WDR4: variants seen among roughly 807,000 people sequenced by gnomAD.
The protein encoded by WDR4 is WDR4 tRNA N7-guanosine methyltransferase non-catalytic subunit, also known as tRNA (guanine-N(7)-)-methyltransferase non-catalytic subunit WDR4.
Under a neutral mutation model 48.6 loss-of-function variants are expected in WDR4, and 47 were observed. The ratio of observed to expected loss-of-function variants is 0.97; its 90% CI spans 0.77 to 1.23. The LOEUF (loss-of-function observed/expected upper bound fraction) is 1.23. Among genes scored for constraint, WDR4 ranks in the 50% most tolerant of loss-of-function variants. The pLI is 0.00. For synonymous variants in WDR4, 268 were observed against 230.0 expected (o/e 1.17, Z -1.49); for missense variants, 606 against 551.6 (o/e 1.10, Z -0.99).
At chr21:42,872,982 C>T (rs1427143784) in intron 3 of WDR4, among the ~76,000 whole-genome samples, 2 of 152,130 alleles carry the variant, frequency 1.3e-5, no homozygotes, top group African/African-American at 4.8e-5. Context: ...AGAACCTTTC[C>T]GGACTTTGCT....
intron 10 of WDR4, among the ~76,000 whole-genome samples, chr21:42,851,996 C>T (rs1292135596): frequency 6.6e-6 from 1 of 152,234 alleles, no homozygotes; most frequent in Non-Finnish European, 1.5e-5. Flanking sequence ...CAACGCCCAA[C>T]TCTGAAGGCA....
At chr21:42,870,886 G>A (rs188211544) in intron 3 of WDR4, among the ~76,000 whole-genome samples, 1 of 152,296 alleles carries the variant, frequency 6.6e-6, no homozygotes, top group Admixed American at 6.5e-5. Context: ...TGTGAATTAT[G>A]AAAGCTCTCT....
chr21:42,887,294 ATTTTTT>A, the WDR4 span, among the ~76,000 whole-genome samples: 1 of 141,274 alleles, frequency 7.1e-6, no homozygotes, highest in African/African-American at 2.6e-5. Flanking sequence ...GCCTGGCCTA[ATTTTTT>A]TTTTTTTTTT....
chr21:42,855,013 G>A (rs558288965), intron 7 of WDR4, among the ~76,000 whole-genome samples: 342 of 152,140 alleles, frequency 2.2e-3, no homozygotes, highest in African/African-American at 4.0e-3. Context: ...AGAAGAGGCC[G>A]TGCACAGTGG....
intron 2 of WDR4, among the ~76,000 whole-genome samples, chr21:42,875,993 G>C (rs1221690723): frequency 1.5e-5 from 2 of 134,520 alleles, no homozygotes; most frequent in African/African-American, 5.9e-5. Flanking sequence ...AACCTCGGCC[G>C]ACTGCAACCT....
intron 2 of WDR4, 32 bp from the exon 3 acceptor site, chr21:42,873,723 T>C: frequency 6.2e-7 from 1 of 1,603,748 alleles, no homozygotes; most frequent in Non-Finnish European, 8.5e-7. Context: ...CGGTTAAGCT[T>C]CACCTAAGGA....
chr21:42,849,915 G>C lies in WDR4; in HGVS notation c.*134C>G. The C allele has an allele frequency of 2.8e-6, 3 of 1,086,362 alleles. No homozygotes were observed. The highest frequency in any genetic ancestry group is 1.6e-5 in the South Asian group (1 of 64,168). 67.3% of individuals were successfully genotyped at this position (1,086,362 alleles called of 1,614,324 possible). A position where few individuals can be genotyped will look rare whatever the true frequency, so the allele number is the denominator to read the frequency against. On this transcript the variant is annotated 3_prime_UTR_variant, in exon 11 of 11. Coordinates refer to ENST00000398208, the MANE Select transcript of WDR4 (RefSeq NM_018669.6). ...ACAGAATGTTCTTTCTAGAGCCCAG[G>C]GGACAGCCCCATCCTCTGAGCTGGT...
chr21:42,856,360 G>A (rs571849884), intron 6 of WDR4, among the ~76,000 whole-genome samples: 69 of 152,270 alleles, frequency 4.5e-4, no homozygotes, highest in African/African-American at 1.5e-3. Flanking sequence ...GGAAAAAAGC[G>A]TTTCTCTTTT....
chr21:42,853,866 C>G, intron 8 of WDR4, 114 bp from the exon 9 acceptor site: 2 of 1,165,366 alleles, frequency 1.7e-6, no homozygotes, highest in South Asian at 3.1e-5. Context: ...GGAGAGCCTA[C>G]GCTGAAAGCC....
chr21:42,881,615 T>TC (rs1351418036), upstream of WDR4, among the ~76,000 whole-genome samples: 1 of 152,134 alleles, frequency 6.6e-6, no homozygotes. Context: ...TTTGTCCACC[T>TC]CCCGTAGTTT....
At chr21:42,887,933 A>C in the WDR4 span, among the ~76,000 whole-genome samples, 3 of 151,974 alleles carry the variant, frequency 2.0e-5, no homozygotes, top group Admixed American at 2.0e-4. Flanking sequence ...AAAAAAAAAC[A>C]AAAACAAAAA....
At chr21:42,861,345 GA>G (rs1483443586) in intron 5 of WDR4, among the ~76,000 whole-genome samples, 6 of 144,728 alleles carry the variant, frequency 4.1e-5, no homozygotes, top group African/African-American at 1.3e-4. Context: ...GTGGGGTGGG[GA>G]GGGGGGAAGG....
intron 6 of WDR4, among the ~76,000 whole-genome samples, chr21:42,857,291 C>T (rs562779526): frequency 9.2e-5 from 14 of 152,232 alleles, no homozygotes; most frequent in African/African-American, 3.4e-4. Context: ...CAGACCTGGG[C>T]AAGAGTGAAG....
Position 42,859,819 on chromosome 21 carries a change from C to G in WDR4, c.567-97G>C. ...CGCCTGTTCATCTAAGGAAGAGAAG[C>G]CTCTGCCCTAAACCCCCTGATCCAA... On this transcript the variant is annotated intron_variant, in intron 5 of 10. Transcript: ENST00000398208. 4.0e-6 allele frequency: 5 copies of G among 1,252,186 alleles called. 1 individual carries two copies. In the East Asian group the frequency reaches 1.0e-4, roughly 25 times the overall value. The allele number at this position is 1,252,186 out of a possible 1,614,324, so 77.6% of individuals were successfully genotyped here. A position where few individuals can be genotyped will look rare whatever the true frequency, so the allele number is the denominator to read the frequency against.
intron 3 of WDR4, among the ~76,000 whole-genome samples, chr21:42,865,752 G>C (rs536208295): frequency 2.5e-4 from 38 of 151,954 alleles, no homozygotes; most frequent in Non-Finnish European, 4.4e-4. Flanking sequence ...GCAGGGTCTC[G>C]GGTCTCGGGT....
At chr21:42,845,475 G>A (rs111345321), downstream of WDR4, among the ~76,000 whole-genome samples, 7,908 of 152,346 alleles carry the variant, frequency 0.052, 264 homozygotes, top group Middle Eastern at 0.12. Flanking sequence ...AACCTTTGTA[G>A]GCTGGCTGAG....
chr21:42,879,634 T>C, upstream of WDR4: 1 of 1,085,678 alleles, frequency 9.2e-7, no homozygotes, highest in South Asian at 1.6e-5. Flanking sequence ...CGAGCCTGCC[T>C]TGAGCATGCG....
At chr21:42,892,722 C>G in the WDR4 span, among the ~76,000 whole-genome samples, 1 of 152,196 alleles carries the variant, frequency 6.6e-6, no homozygotes, top group South Asian at 2.1e-4. Context: ...TTAGGTGAAA[C>G]AAAGCTTCCA....
upstream of WDR4, among the ~76,000 whole-genome samples, chr21:42,880,703 C>G (rs1359222290): frequency 6.6e-6 from 1 of 152,316 alleles, no homozygotes; most frequent in East Asian, 1.9e-4. Context: ...CCCTCCTTTT[C>G]CAGCACCTTC....
Sources: allele counts gnomAD v4.1 joint callset (sites outside exome capture counted in the v4.1 genomes callset), GRCh38; gene constraint gnomAD v4.1.1; transcripts MANE v1.5; gene names NCBI Gene and HGNC (gene_info 2026-07-23, HGNC 2026-07-21).